The following MTF2 variants were observed in gnomAD, a reference collection of about 807,000 sequenced individuals.
MTF2 encodes metal response element binding transcription factor 2.
MTF2 carries 11 observed loss-of-function variants against 79.5 expected under a neutral mutation model. That is an observed-to-expected ratio of 0.14 (90% CI 0.09 to 0.23). MTF2 has a LOEUF of 0.23. Among genes scored for constraint, MTF2 ranks in the 10% least tolerant of loss-of-function variants. MTF2 has a pLI of 1.00. For missense variants in MTF2, 486 were observed against 711.2 expected, an observed-to-expected ratio of 0.68 and a Z score of 3.60; for synonymous variants, 208 against 232.8, an observed-to-expected ratio of 0.89 and a Z score of 0.97.
intron 14 of MTF2, 111 bp from the exon 15 acceptor site, chr1:93,136,559 A>G (rs956802212): frequency 1.1e-6 from 1 of 884,128 alleles, no homozygotes; most frequent in African/African-American, 1.7e-5. Flanking sequence ...TCATTTTTAT[A>G]TCATCAAGGA....
chr1:93,112,468 C>T (rs1414357792), intron 3 of MTF2, among the ~76,000 whole-genome samples: 3 of 152,154 alleles, frequency 2.0e-5, no homozygotes, highest in Admixed American at 2.0e-4. Flanking sequence ...GGTTTTGAAT[C>T]TTAGCATCTA....
At chr1:93,100,885 A>G (rs1262622062) in intron 1 of MTF2, among the ~76,000 whole-genome samples, 1 of 152,202 alleles carries the variant, frequency 6.6e-6, no homozygotes, top group Non-Finnish European at 1.5e-5. Context: ...GTTTGGCCTC[A>G]TGAATTTGAC....
At chr1:93,121,267 T>TGGTTCCC (rs1450337968) in intron 9 of MTF2, 1 of 929,018 alleles carries the variant, frequency 1.1e-6, no homozygotes, top group African/African-American at 1.8e-5. Context: ...TAATGTGTGT[T>TGGTTCCC]CATTAAAGAA....
intron 1 of MTF2, among the ~76,000 whole-genome samples, chr1:93,093,096 C>T (rs899346120): frequency 3.3e-5 from 5 of 151,724 alleles, no homozygotes; most frequent in Admixed American, 1.3e-4. Context: ...GCAGGAGAAT[C>T]GCTTGAACCC....
chr1:93,090,410 C>G (rs1655027661), intron 1 of MTF2, among the ~76,000 whole-genome samples: 1 of 151,988 alleles, frequency 6.6e-6, no homozygotes, highest in African/African-American at 2.4e-5. Context: ...CTGCGCCTGG[C>G]CAATTTTTGT....
Position 93,096,967 on chromosome 1 carries a change from T to C in MTF2, c.6-13263T>C, listed in dbSNP as rs183366448. On this transcript the variant is annotated intron_variant, in intron 1 of 14. Coordinates refer to ENST00000370298, the MANE Select transcript of MTF2 (RefSeq NM_007358.4). The stretch of plus-strand genomic sequence containing the variant: ...TCGGGCCTGCAGACATGCACCACCA[T>C]GCCTGGCTAATTTTTAATTTTTTGT... Among the ~76,000 whole-genome samples the C allele has an allele frequency of 1.6e-3, 240 of 151,912 alleles. 1 individual carries two copies. The highest frequency in any genetic ancestry group is 5.5e-3 in the African/African-American group (226 of 41,422).
chr1:93,126,626 A>G, intron 9 of MTF2, among the ~76,000 whole-genome samples: 1 of 152,112 alleles, frequency 6.6e-6, no homozygotes, highest in East Asian at 1.9e-4. Context: ...GTTTTTTTCT[A>G]GAATTAAATA....
At chr1:93,084,506 A>G (rs1219632486) in intron 1 of MTF2, among the ~76,000 whole-genome samples, 3 of 152,162 alleles carry the variant, frequency 2.0e-5, no homozygotes, top group African/African-American at 4.8e-5. Context: ...TTTAGGATCA[A>G]TCTGTGAGTC....
intron 7 of MTF2, among the ~76,000 whole-genome samples, 191 bp from the exon 8 acceptor site, chr1:93,119,142 T>A (rs1205762924): frequency 1.3e-5 from 2 of 152,238 alleles, no homozygotes; most frequent in Non-Finnish European, 1.5e-5. Context: ...ACATATGAAC[T>A]GTTTCATTAT....
chr1:93,091,781 T>C (rs1042247829), intron 1 of MTF2, among the ~76,000 whole-genome samples: 1 of 152,254 alleles, frequency 6.6e-6, no homozygotes, highest in African/African-American at 2.4e-5. Flanking sequence ...CTTACTTTGC[T>C]GTAGATCAGT....
intron 4 of MTF2, 62 bp downstream of exon 4, chr1:93,114,845 T>C: frequency 7.3e-7 from 1 of 1,367,162 alleles, no homozygotes; most frequent in Non-Finnish European, 1.0e-6. Context: ...GATTAATGAC[T>C]AAAAATACTT....
At chr1:93,082,194 T>G (rs1488903165) in intron 1 of MTF2, among the ~76,000 whole-genome samples, 3 of 152,182 alleles carry the variant, frequency 2.0e-5, no homozygotes, top group Admixed American at 2.0e-4. Context: ...TTTTACACTT[T>G]GGTAGAAAAA....
chr1:93,135,473 C>T (rs552698784), intron 14 of MTF2, among the ~76,000 whole-genome samples: 1 of 152,236 alleles, frequency 6.6e-6, no homozygotes, highest in African/African-American at 2.4e-5. Flanking sequence ...GAATAATCGA[C>T]TTTTTTGGGG....
chr1:93,133,719 A>T lies in MTF2; in HGVS notation c.1177A>T (p.Ile393Leu). 1.2e-6 allele frequency: 2 copies of T among 1,610,752 alleles called. No individual in the cohort carries two copies. Among genetic ancestry groups the T allele is most frequent in the Non-Finnish European group, 1.7e-6 (2 of 1,178,680 alleles). The change falls in exon 12 of 15, where the codon ATA becomes TTA. Residue 393 changes from isoleucine to leucine, a missense_variant. Physicochemically the swap from Ile to Leu is conservative, Grantham distance 5. Around this residue, in one of 4 missense-constraint regions of MTF2, gnomAD observed 209 missense variants for 206.5 expected, o/e 1.01. Transcript: ENST00000370298. ...ISDSREVSNG[I>L]EKKGKKKSVG... ...CCATTTCAGGGAAGTAAGCAATGGC[A>T]TAGAAAAAAAAGGAAAGAAAAAATC... is the stretch of plus-strand genomic sequence containing the variant.
chr1:93,087,271 C>T (rs983066661), intron 1 of MTF2, among the ~76,000 whole-genome samples: 1 of 152,024 alleles, frequency 6.6e-6, no homozygotes, highest in Non-Finnish European at 1.5e-5. Context: ...TTCAGTTAGA[C>T]TTATAAAAAA....
At chr1:93,120,118 A>G (rs572753620) in intron 8 of MTF2, 1 of 152,912 alleles carries the variant, frequency 6.5e-6, no homozygotes, top group East Asian at 1.9e-4. Flanking sequence ...CCACGTTTCT[A>G]CTAAAAATAC....
intron 9 of MTF2, among the ~76,000 whole-genome samples, chr1:93,126,948 T>C (rs1453729714): frequency 6.6e-6 from 1 of 152,182 alleles, no homozygotes; most frequent in African/African-American, 2.4e-5. Context: ...TTGTGGTGTT[T>C]TACAGTTTGT....
chr1:93,102,945 C>A (rs1195572091), intron 1 of MTF2, among the ~76,000 whole-genome samples: 2 of 152,032 alleles, frequency 1.3e-5, no homozygotes, highest in Non-Finnish European at 2.9e-5. Context: ...GCCTGGCCAA[C>A]ATAGTGAAAC....
chr1:93,096,382 T>C (rs1655287171), intron 1 of MTF2, among the ~76,000 whole-genome samples: 1 of 152,208 alleles, frequency 6.6e-6, no homozygotes, highest in Non-Finnish European at 1.5e-5. Context: ...AAGTCTTCAC[T>C]TCCAAACCAG....
Sources: gnomAD v4.1 joint callset for allele counts (sites outside exome capture counted in the v4.1 genomes callset) on GRCh38, gnomAD v4.1.1 for gene constraint, gnomAD v4.1.1 regional missense constraint, MANE v1.5 for transcripts, NCBI Gene and HGNC (gene_info 2026-07-23, HGNC 2026-07-21) for gene names.